The following EIPR1 variants were observed in gnomAD, a reference collection of about 807,000 sequenced individuals.
EIPR1 encodes the protein EARP and GARP complex-interacting protein 1.
EIPR1 carries 25 observed loss-of-function variants against 48.1 expected under a neutral mutation model. That is an observed-to-expected ratio of 0.52 (90% CI 0.38 to 0.73). The LOEUF (loss-of-function observed/expected upper bound fraction) is 0.73, where lower values mean the gene tolerates loss of function less well. Among genes scored for constraint, EIPR1 ranks in the 30% least tolerant of loss-of-function variants. EIPR1 has a pLI of 0.00. For synonymous variants in EIPR1, 204 were observed against 201.9 expected (o/e 1.01, Z -0.09); for missense variants, 415 against 506.2 (o/e 0.82, Z 1.73).
chr2:3,207,913 T>C (rs986202190), intron 5 of EIPR1: 6 of 152,500 alleles, frequency 3.9e-5, no homozygotes, highest in Non-Finnish European at 8.8e-5. Flanking sequence ...TACTATGATA[T>C]TAAAATATGC....
intron 4 of EIPR1, among the ~76,000 whole-genome samples, chr2:3,226,054 C>T (rs184492082): frequency 1.6e-4 from 24 of 152,300 alleles, no homozygotes; most frequent in Non-Finnish European, 2.9e-4. Context: ...TGGACAATTG[C>T]GTATTTTCTA....
Position 3,257,349 on chromosome 2 carries a change from G to A in EIPR1, c.366C>T (p.Thr122=), listed in dbSNP as rs1572363801. 5.0e-6 allele frequency: 8 copies of A among 1,614,118 alleles called. No homozygotes were observed. In the South Asian group the frequency reaches 6.6e-5, roughly 13 times the overall value. The change falls in exon 4 of 9, where the codon ACC becomes ACT. Residue 122 remains threonine (T), a synonymous_variant. Coordinates refer to ENST00000382125, the MANE Select transcript of EIPR1 (RefSeq NM_003310.5). ...TGTCAAGGTGACAGAGCAGCTCCAG[G>A]GTCTGTGCAGTGCTGGATGAATCAT... ...SPDDSSSTAQ[T]LELLCHLDNT... is the part of the protein sequence containing the mutation.
intron 3 of EIPR1, among the ~76,000 whole-genome samples, chr2:3,306,278 G>C (rs1202878077): frequency 6.6e-6 from 1 of 152,146 alleles, no homozygotes; most frequent in Non-Finnish European, 1.5e-5. Context: ...GGTTGGATTT[G>C]TTCTCTTTTC....
intron 2 of EIPR1, among the ~76,000 whole-genome samples, chr2:3,348,100 T>C (rs1006939920): frequency 6.6e-6 from 1 of 152,078 alleles, no homozygotes; most frequent in East Asian, 1.9e-4. Context: ...TTGTCACCAA[T>C]CAGAGGCGCT....
intron 4 of EIPR1, among the ~76,000 whole-genome samples, chr2:3,241,668 C>T (rs1355521128): frequency 6.6e-6 from 1 of 152,114 alleles, no homozygotes; most frequent in African/African-American, 2.4e-5. Flanking sequence ...AACTAGGTGG[C>T]GCACACCTGA....
intron 3 of EIPR1, among the ~76,000 whole-genome samples, chr2:3,294,049 T>C (rs1445671243): frequency 6.6e-6 from 1 of 152,148 alleles, no homozygotes; most frequent in Non-Finnish European, 1.5e-5. Context: ...TCTTGAACTT[T>C]TCAAAATCAG....
At chr2:3,332,962 T>C (rs1669942772) in intron 3 of EIPR1, among the ~76,000 whole-genome samples, 1 of 152,196 alleles carries the variant, frequency 6.6e-6, no homozygotes, top group African/African-American at 2.4e-5. Context: ...CTGAAAATGT[T>C]TGACTTTTTA....
intron 4 of EIPR1, among the ~76,000 whole-genome samples, chr2:3,235,694 A>G (rs1004408123): frequency 2.0e-5 from 3 of 152,256 alleles, no homozygotes; most frequent in Admixed American, 6.5e-5. Flanking sequence ...CATTTATTAT[A>G]GAATGCAGGA....
intron 3 of EIPR1, among the ~76,000 whole-genome samples, chr2:3,318,180 A>T (rs1435328165): frequency 5.3e-5 from 8 of 152,250 alleles, no homozygotes; most frequent in Non-Finnish European, 1.2e-4. Context: ...CAGGCCGCAG[A>T]AGAGCGCAGC....
intron 2 of EIPR1, among the ~76,000 whole-genome samples, chr2:3,343,883 G>A (rs753240877): frequency 6.6e-6 from 1 of 152,012 alleles, no homozygotes; most frequent in Non-Finnish European, 1.5e-5. Context: ...TAAACTGAAA[G>A]TTTAAAAACT....
At chr2:3,295,243 C>A (rs1441089072) in intron 3 of EIPR1, among the ~76,000 whole-genome samples, 109 of 141,526 alleles carry the variant, frequency 7.7e-4, no homozygotes, top group Non-Finnish European at 1.3e-3. Flanking sequence ...ACACATACAC[C>A]CTCCATCCAG....
chr2:3,337,107 G>T (rs1054221337), intron 3 of EIPR1, among the ~76,000 whole-genome samples: 1 of 142,598 alleles, frequency 7.0e-6, no homozygotes, highest in Non-Finnish European at 1.5e-5. Flanking sequence ...AAAAGGGAAA[G>T]AGATGGGAAA....
At chr2:3,272,985 A>G (rs1667743066) in intron 3 of EIPR1, among the ~76,000 whole-genome samples, 1 of 152,222 alleles carries the variant, frequency 6.6e-6, no homozygotes, top group African/African-American at 2.4e-5. Context: ...AATTCAGAGA[A>G]CACAGTTTAG....
chr2:3,338,289 T>A (rs934309409), intron 2 of EIPR1, 140 bp from the exon 3 acceptor site: 4 of 956,440 alleles, frequency 4.2e-6, no homozygotes, highest in Non-Finnish European at 6.0e-6. Context: ...ATGCCAACAG[T>A]ATGTGCTTCT....
intron 3 of EIPR1, among the ~76,000 whole-genome samples, chr2:3,328,134 C>A (rs1322718390): frequency 1.3e-5 from 2 of 152,166 alleles, no homozygotes; most frequent in Non-Finnish European, 2.9e-5. Flanking sequence ...TGTGTTGGCA[C>A]CGTTCCCTGG....
chr2:3,311,086 T>C (rs568380375), intron 3 of EIPR1, among the ~76,000 whole-genome samples: 7 of 152,288 alleles, frequency 4.6e-5, no homozygotes, highest in African/African-American at 1.7e-4. Context: ...AAATATCACA[T>C]TGCAATAGCT....
At chr2:3,260,392 G>A (rs536554413) in intron 3 of EIPR1, among the ~76,000 whole-genome samples, 1 of 152,102 alleles carries the variant, frequency 6.6e-6, no homozygotes, top group Admixed American at 6.5e-5. Flanking sequence ...TTGGGAGGCT[G>A]AGGCAAGAGA....
At chr2:3,288,874 G>A in intron 3 of EIPR1, among the ~76,000 whole-genome samples, 1 of 152,224 alleles carries the variant, frequency 6.6e-6, no homozygotes, top group African/African-American at 2.4e-5. Context: ...ATGGGTAGGA[G>A]GGCCAGGTGA....
At chr2:3,210,971 T>C (rs1459585410) in intron 5 of EIPR1, among the ~76,000 whole-genome samples, 2 of 152,008 alleles carry the variant, frequency 1.3e-5, no homozygotes, top group Admixed American at 1.3e-4. Context: ...ACATGCATAG[T>C]TTCGGTGGAG....
Sources: allele counts gnomAD v4.1 joint callset (sites outside exome capture counted in the v4.1 genomes callset), GRCh38; gene constraint gnomAD v4.1.1; transcripts MANE v1.5; gene names NCBI Gene and HGNC (gene_info 2026-07-23, HGNC 2026-07-21).